ZNF385B: variants seen among roughly 807,000 people sequenced by gnomAD.
ZNF385B encodes the protein zinc finger protein 533.
A neutral mutation model predicts 39.2 loss-of-function variants in ZNF385B; 23 were observed. That is an observed-to-expected ratio of 0.59 (90% confidence interval 0.42 to 0.83). The LOEUF is 0.83. Ranked by LOEUF, ZNF385B falls within the 40% of genes least tolerant of loss-of-function variation. ZNF385B has a pLI of 0.00. For synonymous variants in ZNF385B, 205 were observed against 222.6 expected (o/e 0.92, Z 0.70); for missense variants, 552 against 598.9 (o/e 0.92, Z 0.82).
intron 1 of ZNF385B, among the ~76,000 whole-genome samples, chr2:179,772,841 G>C (rs1704089956): frequency 6.6e-6 from 1 of 152,190 alleles, no homozygotes; most frequent in Non-Finnish European, 1.5e-5. Flanking sequence ...CTGTGCTTTG[G>C]ACTGCCAGGA....
At chr2:179,692,673 C>G (rs757923528) in intron 3 of ZNF385B, among the ~76,000 whole-genome samples, 1 of 152,216 alleles carries the variant, frequency 6.6e-6, no homozygotes, top group Non-Finnish European at 1.5e-5. Context: ...TTTCATGCCA[C>G]TGTGTAAATA....
At chr2:179,625,892 G>A (rs1690619909) in intron 3 of ZNF385B, among the ~76,000 whole-genome samples, 1 of 151,886 alleles carries the variant, frequency 6.6e-6, no homozygotes, top group South Asian at 2.1e-4. Flanking sequence ...CTCCTAAAGA[G>A]TGCAACTCCC....
intron 4 of ZNF385B, among the ~76,000 whole-genome samples, chr2:179,539,652 T>C (rs997950464): frequency 7.9e-5 from 12 of 152,090 alleles, no homozygotes; most frequent in African/African-American, 2.7e-4. Flanking sequence ...TAAGAAACAA[T>C]TGTGTGTATT....
intron 1 of ZNF385B, among the ~76,000 whole-genome samples, chr2:179,803,349 G>T (rs1706151275): frequency 6.6e-6 from 1 of 152,046 alleles, no homozygotes; most frequent in Admixed American, 6.6e-5. Flanking sequence ...TAATCAGTGT[G>T]GTATTAATGT....
chr2:179,630,814 G>T (rs1478863445), intron 3 of ZNF385B, among the ~76,000 whole-genome samples: 1 of 152,176 alleles, frequency 6.6e-6, no homozygotes, highest in Non-Finnish European at 1.5e-5. Context: ...AAAGTGTAGA[G>T]AATACCTTAA....
intron 1 of ZNF385B, among the ~76,000 whole-genome samples, chr2:179,798,584 C>T (rs535940119): frequency 6.6e-6 from 1 of 152,230 alleles, no homozygotes; most frequent in Non-Finnish European, 1.5e-5. Context: ...CATAATTACT[C>T]ATCTGCTTTA....
intron 3 of ZNF385B, among the ~76,000 whole-genome samples, chr2:179,625,962 G>T (rs13012626): frequency 0.18 from 27,491 of 151,592 alleles, 3,135 homozygotes; most frequent in South Asian, 0.28. Context: ...CTAAATCTAG[G>T]ATGACTTTAT....
intron 6 of ZNF385B, among the ~76,000 whole-genome samples, chr2:179,462,917 G>A (rs552084695): frequency 2.6e-5 from 4 of 152,024 alleles, no homozygotes; most frequent in Admixed American, 2.6e-4. Flanking sequence ...GTGTGTGTGT[G>A]TTTGTGAAAA....
chr2:179,683,768 G>A lies in ZNF385B; in HGVS notation c.298+85735C>T, dbSNP rs140311198. The stretch of plus-strand genomic sequence containing the variant: ...TAGGATTACAGGCGTGAGCCACGGT[G>A]CCTGGCCTTGAAATGTTTTATAACA... On this transcript the variant is annotated intron_variant, in intron 3 of 9. Coordinates refer to ENST00000410066, the MANE Select transcript of ZNF385B (RefSeq NM_152520.6). 5.2e-3 allele frequency among the ~76,000 whole-genome samples: 794 copies of A among 152,252 alleles called. 5 individuals carry two copies. Among genetic ancestry groups the A allele is most frequent in the African/African-American group, 0.018 (754 of 41,550 alleles).
intron 3 of ZNF385B, among the ~76,000 whole-genome samples, chr2:179,762,325 G>T (rs1350548228): frequency 6.6e-6 from 1 of 152,104 alleles, no homozygotes; most frequent in African/African-American, 2.4e-5. Context: ...GAGTAGCTGG[G>T]ATTACAGGCA....
intron 1 of ZNF385B, among the ~76,000 whole-genome samples, chr2:179,832,280 T>C (rs970044734): frequency 2.6e-5 from 4 of 152,218 alleles, no homozygotes; most frequent in Non-Finnish European, 5.9e-5. Context: ...CCCTACGTGC[T>C]ACAACAGATT....
chr2:179,600,983 T>C lies in ZNF385B; in HGVS notation c.299-56014A>G, dbSNP rs958441620. On this transcript the variant is annotated intron_variant, in intron 3 of 9. Coordinates refer to ENST00000410066, the MANE Select transcript of ZNF385B (RefSeq NM_152520.6). ...ACAGATGAGTTTCTCAAAAGTTTTA[T>C]AAATATATGTGGATAGAAAAGAGGA... Among the ~76,000 whole-genome samples the C allele has an allele frequency of 3.0e-4, 46 of 152,198 alleles. 1 individual carries two copies. The highest frequency in any genetic ancestry group is 1.5e-4 in the Non-Finnish European group (10 of 68,036).
rs749138034 is a variant in ZNF385B at position 179,734,317 on chromosome 2, C to A, written c.298+35186G>T. On this transcript the variant is annotated intron_variant, in intron 3 of 9. Coordinates refer to ENST00000410066, the MANE Select transcript of ZNF385B (RefSeq NM_152520.6). ...AAATCTGGTAGTGAAATTGCTGGGT[C>A]AAAAGAGATACACCTTTTAAGTTTT... Among the ~76,000 whole-genome samples the A allele has an allele frequency of 3.2e-4, 49 of 152,186 alleles. 1 individual carries two copies. Among genetic ancestry groups the A allele is most frequent in the Non-Finnish European group, 5.1e-4 (35 of 67,998 alleles).
At chr2:179,607,564 C>T (rs1286863923) in intron 3 of ZNF385B, among the ~76,000 whole-genome samples, 1 of 152,016 alleles carries the variant, frequency 6.6e-6, no homozygotes, top group African/African-American at 2.4e-5. Flanking sequence ...TTCTTTATAG[C>T]AGTGTGAAAA....
In ZNF385B at chr2:179,553,867, A is replaced by G. The variant is rs537567594; in HGVS notation, c.299-8898T>C. 6.1e-5 allele frequency among the ~76,000 whole-genome samples: 9 copies of G among 148,414 alleles called. No individual in the cohort carries two copies. In the East Asian group the frequency reaches 1.4e-3, roughly 22 times the overall value. Reference sequence around the variant, plus strand: ...TTTTTAGCATAGAATCAAGCCTTAAATTTTTTTTTAAATTAAGATGACACA... The same window carrying G: ...TTTTTAGCATAGAATCAAGCCTTAAGTTTTTTTTTAAATTAAGATGACACA... On this transcript the variant is annotated intron_variant, in intron 3 of 9. Coordinates refer to ENST00000410066, the MANE Select transcript of ZNF385B (RefSeq NM_152520.6).
At chr2:179,748,972 C>T (rs1181505842) in intron 3 of ZNF385B, among the ~76,000 whole-genome samples, 2 of 151,992 alleles carry the variant, frequency 1.3e-5, no homozygotes, top group Non-Finnish European at 2.9e-5. Flanking sequence ...GAATGTGTGG[C>T]TCTTAGTATC....
At chr2:179,781,344 G>T (rs115705578) in intron 1 of ZNF385B, among the ~76,000 whole-genome samples, 1 of 151,880 alleles carries the variant, frequency 6.6e-6, no homozygotes, top group African/African-American at 2.4e-5. Context: ...CACACACACC[G>T]ACATACATAT....
chr2:179,646,361 G>A (rs1043263164), intron 3 of ZNF385B, among the ~76,000 whole-genome samples: 2 of 152,326 alleles, frequency 1.3e-5, no homozygotes, highest in South Asian at 2.1e-4. Flanking sequence ...GCAGTGAGCC[G>A]AGATTGCGCC....
At chr2:179,460,912 C>T (rs1218548998) in intron 6 of ZNF385B, among the ~76,000 whole-genome samples, 3 of 152,206 alleles carry the variant, frequency 2.0e-5, no homozygotes, top group South Asian at 2.1e-4. Flanking sequence ...GCTAGCCTTG[C>T]AACTATTAAA....
Sources: allele counts gnomAD v4.1 joint callset (sites outside exome capture counted in the v4.1 genomes callset), GRCh38; gene constraint gnomAD v4.1.1; transcripts MANE v1.5; gene names NCBI Gene and HGNC (gene_info 2026-07-23, HGNC 2026-07-21).